The following EFCAB6 variants were observed in gnomAD, a reference collection of about 807,000 sequenced individuals.
EFCAB6 encodes EF-hand calcium-binding domain-containing protein 6.
In EFCAB6, 156 loss-of-function variants were observed where a neutral mutation model predicts 169.8. That is an observed-to-expected ratio of 0.92 (90% CI 0.81 to 1.05). EFCAB6 has a LOEUF of 1.05. Among genes scored for constraint, EFCAB6 ranks in the 50% least tolerant of loss-of-function variants. The pLI is 0.00. For missense variants in EFCAB6, 1,800 were observed against 1,829.1 expected (o/e 0.98, Z 0.29); for synonymous variants, 698 against 676.4 (o/e 1.03, Z -0.50).
intron 8 of EFCAB6, among the ~76,000 whole-genome samples, chr22:43,726,276 CAAAAAAAAAAAAA>C (rs3994547): frequency 1.7e-5 from 1 of 59,358 alleles, no homozygotes; most frequent in Non-Finnish European, 3.0e-5. Context: ...AAAAATTCAC[CAAAAAAAAAAAAA>C]AAAAAAAAAA....
In EFCAB6 at chr22:43,631,904, C is replaced by CG. The variant is rs2054973893; in HGVS notation, c.2232+200dup. On this transcript the variant is annotated intron_variant, in intron 19 of 31. Coordinates refer to ENST00000262726, the MANE Select transcript of EFCAB6 (RefSeq NM_022785.4). Reference sequence around the variant, plus strand: ...TAGCCTTCTGCCAGCAAAGTGTCCACGGGGGTCCCTCAGGGAGGGAGGAAG... The same window carrying CG: ...TAGCCTTCTGCCAGCAAAGTGTCCACGGGGGGTCCCTCAGGGAGGGAGGAAG... Among the ~76,000 whole-genome samples, 3 of 152,254 alleles carry CG rather than the reference C, an allele frequency of 2.0e-5. No homozygotes were observed. In the South Asian group the frequency reaches 6.2e-4, roughly 32 times the overall value.
At position 43,671,966 on chromosome 22, in the gene EFCAB6, AACTT is replaced by A. The variant is rs1376230054; in HGVS notation, c.1640+3_1640+6del. The A allele has an allele frequency of 1.2e-6, 2 of 1,610,818 alleles. No homozygotes were observed. Among genetic ancestry groups the A allele is most frequent in the East Asian group, 2.2e-5 (1 of 44,866 alleles). The stretch of plus-strand genomic sequence containing the variant: ...GACATGAATTAATTTTGTTACAAAA[AACTT>A]ACTTTATGAAATGTGCATTCGTTAA... On this transcript the variant is annotated splice_donor_5th_base_variant and intron_variant, in intron 15 of 31. Coordinates refer to ENST00000262726, the MANE Select transcript of EFCAB6 (RefSeq NM_022785.4).
At chr22:43,602,540 G>C (rs1377707720) in intron 22 of EFCAB6, among the ~76,000 whole-genome samples, 2 of 152,166 alleles carry the variant, frequency 1.3e-5, no homozygotes, top group African/African-American at 4.8e-5. Flanking sequence ...TGATCCCAGG[G>C]CCATGCCTCT....
At chr22:43,580,988 G>T (rs567633975) in intron 24 of EFCAB6, among the ~76,000 whole-genome samples, 1 of 152,346 alleles carries the variant, frequency 6.6e-6, no homozygotes, top group Non-Finnish European at 1.5e-5. Flanking sequence ...GGAGGTGTCT[G>T]CTGAGAATCT....
intron 6 of EFCAB6, among the ~76,000 whole-genome samples, chr22:43,745,761 C>T (rs3938387): frequency 6.6e-6 from 1 of 152,156 alleles, no homozygotes; most frequent in Non-Finnish European, 1.5e-5. Context: ...CTACTTTTGG[C>T]TATTTTGTAT....
At chr22:43,711,663 T>A (rs778324557) in intron 9 of EFCAB6, 40 bp from the exon 10 acceptor site, 3 of 1,564,560 alleles carry the variant, frequency 1.9e-6, no homozygotes, top group Non-Finnish European at 1.7e-6. Flanking sequence ...TTCATAAATA[T>A]CAACTTCATG....
intron 10 of EFCAB6, among the ~76,000 whole-genome samples, chr22:43,698,202 C>A (rs774608100): frequency 1.1e-4 from 16 of 152,136 alleles, no homozygotes; most frequent in Admixed American, 2.0e-4. Flanking sequence ...TGCCAAGTAT[C>A]CAACCGGTCA....
intron 22 of EFCAB6, among the ~76,000 whole-genome samples, chr22:43,600,562 A>G (rs2052426803): frequency 6.6e-6 from 1 of 152,208 alleles, no homozygotes; most frequent in South Asian, 2.1e-4. Context: ...GAGAGAGAGC[A>G]ACCCAAGCCA....
Position 43,590,075 on chromosome 22 carries a change from T to C in EFCAB6, c.3031A>G (p.Ser1011Gly), listed in dbSNP as rs752117497. 5 of 1,612,104 alleles carry C rather than the reference T, an allele frequency of 3.1e-6. No homozygotes were observed. The highest frequency in any genetic ancestry group is 4.2e-6 in the Non-Finnish European group (5 of 1,179,364). Residue 1011 changes from serine to glycine, a missense_variant and splice_region_variant, in exon 24 of 32, where the codon AGT becomes GGT. Ser to Gly is a moderately conservative substitution (Grantham distance 56, BLOSUM62 0). Coordinates refer to ENST00000262726, the MANE Select transcript of EFCAB6 (RefSeq NM_022785.4). ...ATATTTAACTGAGTCCAAAAAGACC[T>C]GTTTAGCAGATGGGTCAGCTCCCCT... is the stretch of plus-strand genomic sequence containing the variant. ...TEGELTHLLN[S>G]WGVSRHDNAI...
At chr22:43,623,739 C>CAAAAAAAAA (rs137720) in intron 20 of EFCAB6, among the ~76,000 whole-genome samples, 2 of 95,248 alleles carry the variant, frequency 2.1e-5, no homozygotes, top group African/African-American at 3.9e-5. Flanking sequence ...ACTAAAAATA[C>CAAAAAAAAA]AAAAAAAAAA....
At chr22:43,626,966 C>T (rs1018283215) in intron 19 of EFCAB6, among the ~76,000 whole-genome samples, 2 of 152,146 alleles carry the variant, frequency 1.3e-5, no homozygotes, top group East Asian at 1.9e-4. Flanking sequence ...TCCACACTCT[C>T]GGTTTGTGGA....
intron 20 of EFCAB6, among the ~76,000 whole-genome samples, chr22:43,623,087 T>C (rs141259734): frequency 1.4e-3 from 212 of 152,324 alleles, no homozygotes; most frequent in African/African-American, 4.5e-3. Context: ...ATTCCAAAGA[T>C]GATGGTGACA....
rs2048598048 is a variant in EFCAB6, at chr22:43,554,759, C to T, written c.3648+110G>A. On this transcript the variant is annotated intron_variant, in intron 27 of 31. Coordinates refer to ENST00000262726, the MANE Select transcript of EFCAB6 (RefSeq NM_022785.4). ...ATTGAAAAACAAAATAACAAAACTG[C>T]AAGCATTTTAAAAATAGAGAACAGT... 7 of 928,786 alleles carry T rather than the reference C, an allele frequency of 7.5e-6. No homozygotes were observed. In the East Asian group the frequency reaches 1.7e-4, roughly 23 times the overall value. 57.5% of individuals were successfully genotyped at this position (928,786 alleles called of 1,614,324 possible).
chr22:43,666,796 C>T (rs1338193031), intron 17 of EFCAB6, among the ~76,000 whole-genome samples: 2 of 149,552 alleles, frequency 1.3e-5, no homozygotes, highest in Non-Finnish European at 3.0e-5. Flanking sequence ...TGTACTCTCA[C>T]CCGCAGGCTG....
At position 43,731,745 on chromosome 22, in the gene EFCAB6, G is replaced by A. The variant is rs761965181; in HGVS notation, c.711C>T (p.Leu237=). 2 of 1,603,990 alleles carry A rather than the reference G, an allele frequency of 1.2e-6. No homozygotes were observed. Among genetic ancestry groups the A allele is most frequent in the South Asian group, 2.3e-5 (2 of 87,930 alleles). The change falls in exon 8 of 32, where the codon CTC becomes CTT. Residue 237 remains leucine (L), a synonymous_variant. Transcript: ENST00000262726. ...TAAGGTTCAAGTCGTTATTTATGCT[G>A]AGATTCTTCAAAAACACGTTGTAAT... The part of the protein sequence containing the change: ...AVDYNVFLKN[L]SINNDLNLRY...
chr22:43,792,630 T>A (rs560703790), intron 2 of EFCAB6, among the ~76,000 whole-genome samples: 46 of 152,318 alleles, frequency 3.0e-4, no homozygotes, highest in African/African-American at 1.1e-3. Flanking sequence ...CATTTAACTC[T>A]TCCCACCCCC....
chr22:43,705,324 A>G (rs1162163387), intron 10 of EFCAB6, among the ~76,000 whole-genome samples: 1 of 152,166 alleles, frequency 6.6e-6, no homozygotes, highest in Non-Finnish European at 1.5e-5. Flanking sequence ...GATCATCCAG[A>G]TAAAAAATTA....
In EFCAB6 at chr22:43,680,970, T is replaced by C. The variant is rs185755313; in HGVS notation, c.1251+2777A>G. On this transcript the variant is annotated intron_variant, in intron 12 of 31. Coordinates refer to ENST00000262726, the MANE Select transcript of EFCAB6 (RefSeq NM_022785.4). Reference sequence around the variant, plus strand: ...CCTTTTATTTCTTTTTCTTTCTCGATTGGACTGTCCAGAACTCTAGCACAG... The same window carrying C: ...CCTTTTATTTCTTTTTCTTTCTCGACTGGACTGTCCAGAACTCTAGCACAG... 4.2e-3 allele frequency among the ~76,000 whole-genome samples: 643 copies of C among 152,330 alleles called. 2 individuals are homozygous for C. Among genetic ancestry groups the C allele is most frequent in the Middle Eastern group, 0.027 (8 of 294 alleles).
chr22:43,668,144 G>A (rs1417984511), intron 16 of EFCAB6, among the ~76,000 whole-genome samples: 2 of 152,090 alleles, frequency 1.3e-5, no homozygotes, highest in South Asian at 2.1e-4. Flanking sequence ...AAAAGCCCAG[G>A]TATTCAAATT....
Sources: allele counts gnomAD v4.1 joint callset (sites outside exome capture counted in the v4.1 genomes callset), GRCh38; gene constraint gnomAD v4.1.1; transcripts MANE v1.5; gene names NCBI Gene and HGNC (gene_info 2026-07-23, HGNC 2026-07-21).